MAGI2: variants seen among roughly 807,000 people sequenced by gnomAD.
The protein encoded by MAGI2 is membrane-associated guanylate kinase, WW and PDZ domain-containing protein 2.
A neutral mutation model predicts 133.3 loss-of-function variants in MAGI2; 35 were observed. The ratio of observed to expected loss-of-function variants is 0.26; its 90% CI spans 0.20 to 0.35. The LOEUF is 0.35. Ranked by LOEUF, MAGI2 falls within the 10% of genes least tolerant of loss-of-function variation. The pLI is 1.00. For missense variants in MAGI2, 1,636 were observed against 1,863.4 expected, an observed-to-expected ratio of 0.88 and a Z score of 2.25; for synonymous variants, 729 against 710.6, an observed-to-expected ratio of 1.03 and a Z score of -0.41.
intron 2 of MAGI2, among the ~76,000 whole-genome samples, chr7:78,629,016 T>C (rs1285575708): frequency 1.3e-5 from 2 of 152,076 alleles, no homozygotes; most frequent in Non-Finnish European, 2.9e-5. Context: ...CTGCTTGCAG[T>C]ATGGCAATGC....
intron 1 of MAGI2, among the ~76,000 whole-genome samples, chr7:79,022,085 C>G (rs1445211884): frequency 6.6e-6 from 1 of 152,114 alleles, no homozygotes; most frequent in East Asian, 1.9e-4. Context: ...TGAGGCCTCT[C>G]CAGCCATGTG....
intron 1 of MAGI2, among the ~76,000 whole-genome samples, chr7:79,341,781 TC>T (rs1840924432): frequency 1.3e-5 from 2 of 152,184 alleles, no homozygotes; most frequent in South Asian, 4.1e-4. Context: ...CAGGTTGAAA[TC>T]TTCAGTTGAA....
At chr7:78,828,333 C>G (rs995333128) in intron 2 of MAGI2, among the ~76,000 whole-genome samples, 1 of 152,138 alleles carries the variant, frequency 6.6e-6, no homozygotes, top group Non-Finnish European at 1.5e-5. Context: ...TACTGATAAG[C>G]CATGTTGATA....
chr7:79,159,517 CA>C (rs57296916), intron 1 of MAGI2, among the ~76,000 whole-genome samples: 78,341 of 107,196 alleles, frequency 0.73, 26,418 homozygotes, highest in Middle Eastern at 0.82. Context: ...GACTCAGTCT[CA>C]AAAAAAAAAA....
chr7:78,211,170 T>C (rs527399005), intron 10 of MAGI2, among the ~76,000 whole-genome samples: 1 of 152,150 alleles, frequency 6.6e-6, no homozygotes, highest in Admixed American at 6.5e-5. Context: ...TCACCTTAAT[T>C]GGGAGAGGAG....
chr7:78,815,595 T>A (rs1789498231), intron 2 of MAGI2, among the ~76,000 whole-genome samples: 1 of 152,224 alleles, frequency 6.6e-6, no homozygotes, highest in Non-Finnish European at 1.5e-5. Flanking sequence ...ATGTGCTTTC[T>A]TCATTTCTCT....
At chr7:79,169,725 A>G (rs1825328098) in intron 1 of MAGI2, among the ~76,000 whole-genome samples, 1 of 152,156 alleles carries the variant, frequency 6.6e-6, no homozygotes, top group African/African-American at 2.4e-5. Context: ...CAGTTTACTG[A>G]ACTTACAATT....
chr7:78,877,284 C>G (rs1795503956), intron 2 of MAGI2, among the ~76,000 whole-genome samples: 1 of 152,182 alleles, frequency 6.6e-6, no homozygotes, highest in Non-Finnish European at 1.5e-5. Context: ...TACTTATCTG[C>G]TAGACGTTTG....
At chr7:79,043,661 G>GA (rs1811896782) in intron 1 of MAGI2, among the ~76,000 whole-genome samples, 1 of 148,208 alleles carries the variant, frequency 6.7e-6, no homozygotes, top group Admixed American at 6.7e-5. Context: ...GACTAATAAA[G>GA]AAAAAAGGAG....
intron 2 of MAGI2, among the ~76,000 whole-genome samples, chr7:78,786,189 C>G (rs759713691): frequency 6.6e-6 from 1 of 152,066 alleles, no homozygotes; most frequent in Non-Finnish European, 1.5e-5. Flanking sequence ...CTCTCTGTCT[C>G]TCACTCCTCG....
At chr7:78,126,447 A>T (rs777198449) in intron 19 of MAGI2, among the ~76,000 whole-genome samples, 2 of 152,232 alleles carry the variant, frequency 1.3e-5, no homozygotes, top group Non-Finnish European at 2.9e-5. Flanking sequence ...GTAATCTGAT[A>T]GAGTTGAGAT....
At chr7:78,445,342 A>T (rs142765791) in intron 6 of MAGI2, among the ~76,000 whole-genome samples, 1,614 of 152,162 alleles carry the variant, frequency 0.011, 23 homozygotes, top group African/African-American at 0.036. Context: ...TCAACGAACG[A>T]TTATAACTAT....
In MAGI2 at chr7:79,318,923, A is replaced by G. The variant is rs146178370; in HGVS notation, c.301+134097T>C. On this transcript the variant is annotated intron_variant, in intron 1 of 21. Transcript: ENST00000354212. ...AGAGCTGGGTCATCATCATTTCCCC[A>G]TATCCCATTAAGTATTTGCATTATA... 6.7e-3 allele frequency among the ~76,000 whole-genome samples: 1,022 copies of G among 152,254 alleles called. 6 individuals carry two copies. Among genetic ancestry groups the G allele is most frequent in the African/African-American group, 0.023 (968 of 41,566 alleles).
intron 3 of MAGI2, among the ~76,000 whole-genome samples, chr7:78,563,016 T>C (rs1462228930): frequency 6.6e-6 from 1 of 150,930 alleles, no homozygotes. Context: ...TTTTAATGAG[T>C]GGTCATTTGA....
intron 1 of MAGI2, among the ~76,000 whole-genome samples, chr7:79,376,126 A>G (rs1363928549): frequency 6.6e-6 from 1 of 151,856 alleles, no homozygotes; most frequent in Non-Finnish European, 1.5e-5. Context: ...GTATATGTTT[A>G]TATAGTAGTT....
chr7:78,526,315 T>C (rs1796947049), intron 3 of MAGI2, among the ~76,000 whole-genome samples: 4 of 152,196 alleles, frequency 2.6e-5, no homozygotes, highest in Admixed American at 6.5e-5. Flanking sequence ...CAAGGACATT[T>C]TAGGAATTTT....
chr7:79,011,792 T>C (rs1808124241), intron 1 of MAGI2, among the ~76,000 whole-genome samples: 1 of 152,134 alleles, frequency 6.6e-6, no homozygotes, highest in East Asian at 1.9e-4. Flanking sequence ...TGGTGAATAT[T>C]TAATTTTAGT....
intron 3 of MAGI2, among the ~76,000 whole-genome samples, chr7:78,581,106 AT>A (rs1038425422): frequency 2.8e-4 from 42 of 152,324 alleles, no homozygotes; most frequent in African/African-American, 8.9e-4. Context: ...TAATTATACC[AT>A]TTGAAAAAAC....
chr7:78,194,429 G>A (rs779410059), intron 12 of MAGI2, among the ~76,000 whole-genome samples: 7 of 152,046 alleles, frequency 4.6e-5, no homozygotes, highest in Non-Finnish European at 8.8e-5. Flanking sequence ...TTTCATGCTT[G>A]TGAGCTGGGA....
Sources: gnomAD v4.1 joint callset for allele counts (sites outside exome capture counted in the v4.1 genomes callset) on GRCh38, gnomAD v4.1.1 for gene constraint, MANE v1.5 for transcripts, NCBI Gene and HGNC (gene_info 2026-07-23, HGNC 2026-07-21) for gene names.